Variants in TASP1 observed in about 807,000 individuals in gnomAD.
The protein encoded by TASP1 is taspase 1.
In TASP1, 16 loss-of-function variants were observed where a neutral mutation model predicts 56.6. The ratio of observed to expected loss-of-function variants is 0.28; its 90% confidence interval spans 0.19 to 0.43. The LOEUF (loss-of-function observed/expected upper bound fraction) is 0.43. TASP1 is among the 20% of genes least tolerant of loss of function. The pLI is 1.00. For missense variants in TASP1, 393 were observed against 511.6 expected, an observed-to-expected ratio of 0.77 and a Z score of 2.24; for synonymous variants, 179 against 184.2, an observed-to-expected ratio of 0.97 and a Z score of 0.23.
At chr20:13,115,862 T>G in the TASP1 span, among the ~76,000 whole-genome samples, 1 of 152,148 alleles carries the variant, frequency 6.6e-6, no homozygotes, top group Non-Finnish European at 1.5e-5. Context: ...CTGTTTGTAT[T>G]GCATATGAGG....
chr20:13,468,756 A>C (rs543001376), intron 11 of TASP1, among the ~76,000 whole-genome samples: 3 of 152,268 alleles, frequency 2.0e-5, no homozygotes, highest in Admixed American at 1.3e-4. Context: ...ACATGCTCAC[A>C]AACTAAAGGA....
At chr20:13,218,263 T>C in the TASP1 span, among the ~76,000 whole-genome samples, 2 of 140,428 alleles carry the variant, frequency 1.4e-5, no homozygotes, top group African/African-American at 2.6e-5. Context: ...AAAAAAAGAA[T>C]GAATGAATGA....
intron 12 of TASP1, among the ~76,000 whole-genome samples, chr20:13,422,198 G>A (rs141205443): frequency 2.1e-3 from 314 of 151,824 alleles, no homozygotes; most frequent in Middle Eastern, 6.8e-3. Context: ...TGTTATCCGC[G>A]TGCCTCGGCC....
At position 13,534,290 on chromosome 20, in the gene TASP1, T is replaced by C. The variant is rs79359768; in HGVS notation, c.676-149A>G. On this transcript the variant is annotated intron_variant, in intron 8 of 13. Transcript: ENST00000337743. ...TTGAGCAATCTCCTAAAATTATCTA[T>C]TATCAAGTTGCCATTTAAATCCTAT... 6,227 of 974,074 alleles carry C rather than the reference T, an allele frequency of 6.4e-3. 184 individuals carry two copies. In the African/African-American group the frequency reaches 0.072, roughly 11 times the overall value. The allele number at this position is 974,074 out of a possible 1,614,324, so 60.3% of individuals were successfully genotyped here.
At chr20:13,486,925 A>G (rs1249797327) in intron 10 of TASP1, among the ~76,000 whole-genome samples, 3 of 152,350 alleles carry the variant, frequency 2.0e-5, no homozygotes, top group South Asian at 2.1e-4. Context: ...GATCAGAAAC[A>G]GGGCAATGAT....
At chr20:13,411,093 C>A (rs2042080144) in intron 13 of TASP1, among the ~76,000 whole-genome samples, 1 of 152,284 alleles carries the variant, frequency 6.6e-6, no homozygotes, top group Non-Finnish European at 1.5e-5. Flanking sequence ...GGCGTCCCTT[C>A]CCCAATGTAC....
chr20:13,465,178 CAAAAAAAAAAAAA>C (rs771255579), intron 11 of TASP1, among the ~76,000 whole-genome samples: 8 of 57,250 alleles, frequency 1.4e-4, no homozygotes, highest in African/African-American at 4.1e-4. Flanking sequence ...TTCTCTCTCC[CAAAAAAAAAAAAA>C]AAAAAAAAGG....
At chr20:13,450,532 C>T (rs747458820) in intron 11 of TASP1, among the ~76,000 whole-genome samples, 14 of 152,236 alleles carry the variant, frequency 9.2e-5, no homozygotes, top group Non-Finnish European at 1.5e-4. Flanking sequence ...ACAGCTTCTT[C>T]ACCAGGAGAA....
chr20:13,491,786 T>C (rs1199090822), intron 10 of TASP1, among the ~76,000 whole-genome samples: 1 of 152,174 alleles, frequency 6.6e-6, no homozygotes, highest in Non-Finnish European at 1.5e-5. Flanking sequence ...ATCTTTTTTG[T>C]CTTCATCTAA....
chr20:13,401,086 C>A (rs2041722277), intron 13 of TASP1, among the ~76,000 whole-genome samples: 1 of 152,168 alleles, frequency 6.6e-6, no homozygotes, highest in Admixed American at 6.5e-5. Flanking sequence ...GGGCGGCTAC[C>A]ACCTGGCTCT....
rs1030198952 is a variant in TASP1, at chr20:13,587,432, C to T, written c.283-62G>A. The T allele has an allele frequency of 8.5e-6, 12 of 1,405,886 alleles. No individual in the cohort carries two copies. In the African/African-American group the frequency reaches 1.8e-4, roughly 21 times the overall value. The allele number at this position is 1,405,886 out of a possible 1,614,324, so 87.1% of individuals were successfully genotyped here. A position where few individuals can be genotyped will look rare whatever the true frequency, so the allele number is the denominator to read the frequency against. ...CTTAAAAAAAGTATTAATGTCAGTC[C>T]TTCATGAAATTTTCTAAAAGCTAGA... On this transcript the variant is annotated intron_variant, in intron 4 of 13. Transcript: ENST00000337743.
In TASP1 at chr20:13,434,927, A is replaced by T. The variant is rs555296863; in HGVS notation, c.1096+117T>A. On this transcript the variant is annotated intron_variant, in intron 12 of 13. Transcript: ENST00000337743. ...AGTAGAACAGGGATGTTCAGATATC[A>T]ATAAAGCATGCTGACCCTCCCGCAG... 6.4e-6 allele frequency: 4 copies of T among 629,602 alleles called. No homozygotes were observed. In the African/African-American group the frequency reaches 7.4e-5, roughly 12 times the overall value. 39.0% of individuals were successfully genotyped at this position (629,602 alleles called of 1,614,324 possible).
In TASP1 at chr20:13,577,433, G is replaced by A. The variant is rs185692911; in HGVS notation, c.488+3464C>T. ...ACTTGATTTTTTTACCCTACAATGT[G>A]AGGTCTATTTCTGTGCACTGAATTG... is the stretch of plus-strand genomic sequence containing the variant. On this transcript the variant is annotated intron_variant, in intron 6 of 13. Coordinates refer to ENST00000337743, the MANE Select transcript of TASP1 (RefSeq NM_017714.3). Among the ~76,000 whole-genome samples, 6 of 152,194 alleles carry A rather than the reference G, an allele frequency of 3.9e-5. No homozygotes were observed. The East Asian group carries it at 1.2e-3, about 29-fold the overall frequency.
chr20:13,361,027 C>T, the TASP1 span, among the ~76,000 whole-genome samples: 1 of 152,110 alleles, frequency 6.6e-6, no homozygotes, highest in Non-Finnish European at 1.5e-5. Context: ...CCTCTCATTT[C>T]CTTTCCATCG....
the TASP1 span, chr20:13,164,468 G>A: frequency 1.3e-5 from 7 of 527,792 alleles, no homozygotes; most frequent in Admixed American, 2.4e-5. Flanking sequence ...CCTTTTAAGG[G>A]TAAGCATGGG....
chr20:13,259,961 T>C, the TASP1 span, among the ~76,000 whole-genome samples: 3 of 152,318 alleles, frequency 2.0e-5, no homozygotes, highest in East Asian at 1.9e-4. Context: ...ACATAATAAA[T>C]ATCGATGGAG....
chr20:13,637,350 CAT>C (rs1392889829), intron 1 of TASP1, among the ~76,000 whole-genome samples: 1 of 152,192 alleles, frequency 6.6e-6, no homozygotes, highest in Non-Finnish European at 1.5e-5. Context: ...AAAAGTTAAA[CAT>C]AGAGTTACCA....
chr20:13,343,782 G>T, the TASP1 span, among the ~76,000 whole-genome samples: 1 of 152,290 alleles, frequency 6.6e-6, no homozygotes, highest in Admixed American at 6.5e-5. Flanking sequence ...GGGTCTCCCA[G>T]CAGACGGTTG....
the TASP1 span, among the ~76,000 whole-genome samples, chr20:13,379,606 A>G: frequency 6.7e-6 from 1 of 150,026 alleles, no homozygotes; most frequent in Non-Finnish European, 1.5e-5. Context: ...TATTTCCTAC[A>G]TTTGAATGTT....
Sources: allele counts gnomAD v4.1 joint callset (sites outside exome capture counted in the v4.1 genomes callset), GRCh38; gene constraint gnomAD v4.1.1; transcripts MANE v1.5; gene names NCBI Gene and HGNC (gene_info 2026-07-23, HGNC 2026-07-21).